KAZN: variants seen among roughly 807,000 people sequenced by gnomAD.
The protein encoded by KAZN is kazrin, periplakin interacting protein.
A neutral mutation model predicts 87.4 loss-of-function variants in KAZN; 40 were observed. The observed-to-expected ratio is 0.46, with a 90% CI of 0.36 to 0.60. The LOEUF is 0.60. Among genes scored for constraint, KAZN ranks in the 20% least tolerant of loss-of-function variants. KAZN has a pLI of 0.00. For synonymous variants in KAZN, 466 were observed against 458.3 expected (o/e 1.02, Z -0.22); for missense variants, 898 against 1,073.9 (o/e 0.84, Z 2.29).
chr1:13,951,040 C>T (rs780361512), intron 1 of KAZN, among the ~76,000 whole-genome samples: 1 of 152,182 alleles, frequency 6.6e-6, no homozygotes, highest in Non-Finnish European at 1.5e-5. Context: ...CTCTTCCTTT[C>T]AGCCTTTTTT....
chr1:14,094,583 C>CA (rs1343007689), intron 1 of KAZN, among the ~76,000 whole-genome samples: 14 of 151,960 alleles, frequency 9.2e-5, no homozygotes, highest in Admixed American at 5.9e-4. Context: ...CAAAAATTTC[C>CA]AAAAAATATA....
chr1:14,936,687 G>T (rs1011412130), intron 1 of KAZN, among the ~76,000 whole-genome samples: 9 of 152,210 alleles, frequency 5.9e-5, no homozygotes, highest in African/African-American at 2.2e-4. Context: ...GGAACTGACA[G>T]CTGAGCAGGA....
At chr1:14,651,561 G>A (rs767194885) in intron 1 of KAZN, among the ~76,000 whole-genome samples, 1 of 152,186 alleles carries the variant, frequency 6.6e-6, no homozygotes, top group Non-Finnish European at 1.5e-5. Flanking sequence ...CTGGAACTAC[G>A]AATGTTTCTA....
At chr1:14,792,480 C>T (rs1480932683) in intron 1 of KAZN, among the ~76,000 whole-genome samples, 1 of 152,158 alleles carries the variant, frequency 6.6e-6, no homozygotes, top group Non-Finnish European at 1.5e-5. Context: ...AGTCTACAGC[C>T]ATCTCCCAGG....
At chr1:14,959,143 G>A (rs74063103) in intron 1 of KAZN, among the ~76,000 whole-genome samples, 1,789 of 152,310 alleles carry the variant, frequency 0.012, 49 homozygotes, top group African/African-American at 0.041. Flanking sequence ...CTGAGCTTCC[G>A]CCATAGCAGT....
chr1:14,514,059 G>A (rs147839476), intron 2 of KAZN, among the ~76,000 whole-genome samples: 3 of 150,924 alleles, frequency 2.0e-5, no homozygotes, highest in Non-Finnish European at 4.4e-5. Flanking sequence ...GGTGGCTCAC[G>A]TCTGTAATCC....
At chr1:14,135,736 G>A (rs1415302109) in intron 1 of KAZN, among the ~76,000 whole-genome samples, 1 of 152,116 alleles carries the variant, frequency 6.6e-6, no homozygotes, top group Non-Finnish European at 1.5e-5. Flanking sequence ...AACTTTTGAA[G>A]AGAGTGTTGC....
intron 1 of KAZN, among the ~76,000 whole-genome samples, chr1:14,740,551 C>CA (rs1003571872): frequency 2.6e-5 from 4 of 152,170 alleles, no homozygotes; most frequent in African/African-American, 7.2e-5. Flanking sequence ...TCCGCCCCCC[C>CA]AAAAAAATGA....
intron 1 of KAZN, among the ~76,000 whole-genome samples, chr1:14,139,996 T>C (rs968918339): frequency 6.6e-6 from 1 of 150,424 alleles, no homozygotes; most frequent in Non-Finnish European, 1.5e-5. Flanking sequence ...GTGTGTTAAG[T>C]AGGAAGGAGG....
rs780410306 is a variant in KAZN at position 15,065,027 on chromosome 1, C to CTTTTTTTTT, written c.1099-589_1099-581dup. On this transcript the variant is annotated intron_variant, in intron 7 of 14. Transcript: ENST00000376030. ...CACCGTCCTTGGGGTCTTTTTCTTT[C>CTTTTTTTTT]TTTTTTTTTTTTTTTTTTTTTTGAG... Among the ~76,000 whole-genome samples, 25 of 102,752 alleles carry CTTTTTTTTT rather than the reference C, an allele frequency of 2.4e-4. 1 individual carries two copies. Among genetic ancestry groups the CTTTTTTTTT allele is most frequent in the East Asian group, 1.7e-3 (6 of 3,500 alleles). The allele number at this position is 102,752 out of a possible 152,430, so 67.4% of individuals were successfully genotyped here.
chr1:14,183,508 C>T (rs372815056), intron 2 of KAZN, among the ~76,000 whole-genome samples: 8 of 152,116 alleles, frequency 5.3e-5, no homozygotes, highest in Non-Finnish European at 1.0e-4. Context: ...ATTTGAAACC[C>T]GATCTTGTGG....
intron 1 of KAZN, among the ~76,000 whole-genome samples, chr1:14,832,191 C>T (rs1203771870): frequency 6.9e-6 from 1 of 145,486 alleles, no homozygotes; most frequent in Non-Finnish European, 1.5e-5. Flanking sequence ...AGCGAAACTC[C>T]ATCTCAAAAA....
chr1:14,999,510 C>CCCCG (rs1182319289), intron 2 of KAZN, among the ~76,000 whole-genome samples: 1 of 140,382 alleles, frequency 7.1e-6, no homozygotes, highest in Admixed American at 6.8e-5. Context: ...CTCCCCCCGC[C>CCCCG]CCGCCATCCA....
At chr1:15,047,420 C>T (rs990551570) in intron 4 of KAZN, among the ~76,000 whole-genome samples, 3 of 152,162 alleles carry the variant, frequency 2.0e-5, no homozygotes, top group African/African-American at 7.2e-5. Context: ...GGAAGGAAGT[C>T]AGGGTCCACA....
chr1:14,268,477 A>AAAT (rs1324632034), intron 2 of KAZN, among the ~76,000 whole-genome samples: 1 of 151,946 alleles, frequency 6.6e-6, no homozygotes, highest in East Asian at 1.9e-4. Context: ...GTGTTAAAAA[A>AAAT]AAAAAAAAGG....
chr1:14,438,967 T>A (rs958500633), intron 2 of KAZN, among the ~76,000 whole-genome samples: 2 of 152,202 alleles, frequency 1.3e-5, no homozygotes, highest in Non-Finnish European at 2.9e-5. Flanking sequence ...ATTCACCCAG[T>A]CTTGGGTATT....
At chr1:13,929,042 C>T (rs1377283879) in intron 1 of KAZN, among the ~76,000 whole-genome samples, 2 of 109,076 alleles carry the variant, frequency 1.8e-5, no homozygotes, top group East Asian at 2.6e-4. Flanking sequence ...AGTTCAGCTT[C>T]AAGGCTTTTT....
At chr1:14,219,958 C>T (rs1647056543) in intron 2 of KAZN, among the ~76,000 whole-genome samples, 1 of 152,148 alleles carries the variant, frequency 6.6e-6, no homozygotes, top group South Asian at 2.1e-4. Context: ...TTTCTTCAGT[C>T]GTTGTCCGCA....
At chr1:14,048,672 T>A (rs1374672857) in intron 1 of KAZN, among the ~76,000 whole-genome samples, 1 of 152,220 alleles carries the variant, frequency 6.6e-6, no homozygotes, top group Non-Finnish European at 1.5e-5. Flanking sequence ...CTCAAAGTGC[T>A]GGGATTACAG....
Sources: allele counts gnomAD v4.1 joint callset (sites outside exome capture counted in the v4.1 genomes callset), GRCh38; gene constraint gnomAD v4.1.1; transcripts MANE v1.5; gene names NCBI Gene and HGNC (gene_info 2026-07-23, HGNC 2026-07-21).